RBFOX1: variants seen among roughly 807,000 people sequenced by gnomAD.
RBFOX1 encodes the protein RNA binding protein fox-1 homolog 1.
Under a neutral mutation model 57.7 loss-of-function variants are expected in RBFOX1, and 8 were observed. The observed-to-expected ratio is 0.14, with a 90% CI of 0.08 to 0.25. The LOEUF (loss-of-function observed/expected upper bound fraction) is 0.25. RBFOX1 is among the 10% of genes least tolerant of loss of function. RBFOX1 has a pLI of 1.00. For synonymous variants in RBFOX1, 326 were observed against 222.4 expected (o/e 1.47, Z -4.15); for missense variants, 611 against 548.5 (o/e 1.11, Z -1.14).
At chr16:7,120,330 A>C (rs147908280) in intron 4 of RBFOX1, among the ~76,000 whole-genome samples, 1 of 131,632 alleles carries the variant, frequency 7.6e-6, no homozygotes, top group African/African-American at 3.3e-5. Flanking sequence ...AGAAGGGAAT[A>C]GTAAATGTAA....
chr16:6,103,420 A>G (rs192870118), intron 1 of RBFOX1, among the ~76,000 whole-genome samples: 1 of 152,262 alleles, frequency 6.6e-6, no homozygotes, highest in Admixed American at 6.5e-5. Flanking sequence ...ACACAATAAT[A>G]TTATAACTTA....
intron 4 of RBFOX1, among the ~76,000 whole-genome samples, chr16:5,938,992 G>A (rs2059226421): frequency 6.6e-6 from 1 of 151,908 alleles, no homozygotes; most frequent in Admixed American, 6.6e-5. Flanking sequence ...CTATCGCAAG[G>A]ACAAAAAGCA....
chr16:5,240,039 C>G lies in RBFOX1; in HGVS notation c.153C>G (p.Asp51Glu). The stretch of plus-strand genomic sequence containing the variant: ...GCGCACAGCCCGAGGACTGCGAGGA[C>G]GGGAAGGACGCGCCGCGGCCGGGCA... The change falls in exon 1 of 3, where the codon GAC becomes GAG. Residue 51 changes from aspartate (D) to glutamate (E), a missense_variant. Transcript: ENST00000585867. 4 of 1,531,630 alleles carry G rather than the reference C, an allele frequency of 2.6e-6. No individual in the cohort carries two copies. The South Asian group carries it at 3.6e-5, about 14-fold the overall frequency. 94.9% of individuals were successfully genotyped at this position (1,531,630 alleles called of 1,614,324 possible).
intron 3 of RBFOX1, among the ~76,000 whole-genome samples, chr16:6,728,455 C>G (rs1351556906): frequency 6.6e-6 from 1 of 152,156 alleles, no homozygotes; most frequent in Non-Finnish European, 1.5e-5. Flanking sequence ...AATTGTTCAT[C>G]TCTATGAAGT....
At chr16:5,428,943 G>A (rs541270724) in intron 1 of RBFOX1, among the ~76,000 whole-genome samples, 34 of 152,102 alleles carry the variant, frequency 2.2e-4, no homozygotes, top group African/African-American at 5.8e-4. Flanking sequence ...GGCTTGTCTC[G>A]ATGTGAGCAG....
In RBFOX1 at chr16:5,834,738, C is replaced by CATAG. The variant is rs1486868567; in HGVS notation, c.319-32562_319-32561insGATA. The stretch of plus-strand genomic sequence containing the variant: ...AGATACATAGATACATAGATACATA[C>CATAG]ATACATACATACATACATACATACA... On this transcript the variant is annotated intron_variant, in intron 3 of 19. Transcript: ENST00000641259. Among the ~76,000 whole-genome samples, 313 of 116,146 alleles carry CATAG rather than the reference C, an allele frequency of 2.7e-3. 1 individual carries two copies. Among genetic ancestry groups the CATAG allele is most frequent in the Middle Eastern group, 4.4e-3 (1 of 226 alleles). 76.2% of individuals were successfully genotyped at this position (116,146 alleles called of 152,430 possible).
At chr16:5,719,347 A>T (rs7199538) in intron 3 of RBFOX1, among the ~76,000 whole-genome samples, 1 of 150,790 alleles carries the variant, frequency 6.6e-6, no homozygotes, top group Non-Finnish European at 1.5e-5. Context: ...GACTACAGGC[A>T]CCTGCCACCA....
At chr16:5,274,981 G>C (rs1180426542) in intron 1 of RBFOX1, among the ~76,000 whole-genome samples, 1 of 152,200 alleles carries the variant, frequency 6.6e-6, no homozygotes, top group Admixed American at 6.5e-5. Flanking sequence ...GGAGATAGCT[G>C]ATGCGAAGCT....
chr16:6,863,989 C>CTTTTTT (rs58541296), intron 3 of RBFOX1, among the ~76,000 whole-genome samples: 6 of 125,332 alleles, frequency 4.8e-5, no homozygotes, highest in African/African-American at 9.4e-5. Context: ...CTTTATGTTC[C>CTTTTTT]TTTTTTTTTT....
At chr16:6,521,787 C>T (rs766792946) in intron 2 of RBFOX1, among the ~76,000 whole-genome samples, 2 of 152,060 alleles carry the variant, frequency 1.3e-5, no homozygotes, top group East Asian at 1.9e-4. Flanking sequence ...TCCTGTACAA[C>T]TGTGATTCTT....
At chr16:5,679,931 C>T (rs1177845995) in intron 3 of RBFOX1, among the ~76,000 whole-genome samples, 3 of 152,188 alleles carry the variant, frequency 2.0e-5, no homozygotes, top group South Asian at 2.1e-4. Context: ...TCTATTCATG[C>T]TTCCTGTCAT....
chr16:7,491,045 C>T (rs1056756077), intron 4 of RBFOX1, among the ~76,000 whole-genome samples: 1 of 152,146 alleles, frequency 6.6e-6, no homozygotes, highest in Non-Finnish European at 1.5e-5. Context: ...ACTCCAGATT[C>T]TAAAGAGACA....
intron 13 of RBFOX1, among the ~76,000 whole-genome samples, chr16:7,665,681 G>C (rs946299330): frequency 1.3e-5 from 2 of 152,132 alleles, no homozygotes; most frequent in African/African-American, 2.4e-5. Flanking sequence ...TATGAGCATT[G>C]ACGATATGAA....
intron 3 of RBFOX1, among the ~76,000 whole-genome samples, chr16:6,671,332 A>G (rs2098763621): frequency 1.3e-5 from 2 of 152,206 alleles, no homozygotes; most frequent in Non-Finnish European, 2.9e-5. Flanking sequence ...GGTCCATGGA[A>G]TAGTAATTGA....
At position 6,602,633 on chromosome 16, in the gene RBFOX1, G is replaced by C. The variant is rs548829684; in HGVS notation, c.-63-51970G>C. Among the ~76,000 whole-genome samples, 7 of 152,256 alleles carry C rather than the reference G, an allele frequency of 4.6e-5. No homozygotes were observed. In the East Asian group the frequency reaches 9.7e-4, roughly 21 times the overall value. On this transcript the variant is annotated intron_variant, in intron 2 of 15. Coordinates refer to ENST00000550418, the MANE Select transcript of RBFOX1 (RefSeq NM_018723.4). ...CTTCTCCTGGCTCCAGTTCCATTTG[G>C]CTCATCTCCAAGGTGGCCAGGTACT...
rs201480288 is a variant in RBFOX1, at chr16:7,692,888, T to TA, written c.995+16051dup. The stretch of plus-strand genomic sequence containing the variant: ...CTTCTGAAATGACAGCACTTTTTCT[T>TA]ATTTTTTTTTGATATTATAAGTCTA... On this transcript the variant is annotated intron_variant, in intron 14 of 15. Coordinates refer to ENST00000550418, the MANE Select transcript of RBFOX1 (RefSeq NM_018723.4). Among the ~76,000 whole-genome samples, 365 of 99,534 alleles carry TA rather than the reference T, an allele frequency of 3.7e-3. 1 individual carries two copies. The highest frequency in any genetic ancestry group is 6.4e-3 in the Non-Finnish European group (279 of 43,774). 65.3% of individuals were successfully genotyped at this position (99,534 alleles called of 152,430 possible).
intron 1 of RBFOX1, among the ~76,000 whole-genome samples, chr16:6,044,169 C>G (rs76082060): frequency 0.13 from 19,222 of 152,048 alleles, 1,478 homozygotes; most frequent in African/African-American, 0.2. Context: ...CAGAAAAAAA[C>G]AAAACAAAAC....
At chr16:5,871,930 A>C (rs2057484457) in intron 4 of RBFOX1, among the ~76,000 whole-genome samples, 1 of 152,178 alleles carries the variant, frequency 6.6e-6, no homozygotes, top group Admixed American at 6.5e-5. Flanking sequence ...TTGCAATGGG[A>C]AACTACGCAG....
At chr16:5,569,494 G>T (rs878871908) in intron 2 of RBFOX1, among the ~76,000 whole-genome samples, 2 of 91,338 alleles carry the variant, frequency 2.2e-5, no homozygotes, top group African/African-American at 4.0e-5. Context: ...TACTCTCTAT[G>T]TTCTGGCCAC....
Sources: gnomAD v4.1 joint callset for allele counts (sites outside exome capture counted in the v4.1 genomes callset) on GRCh38, gnomAD v4.1.1 for gene constraint, MANE v1.5 for transcripts, NCBI Gene and HGNC (gene_info 2026-07-23, HGNC 2026-07-21) for gene names.